SMARCC1: variants seen among roughly 807,000 people sequenced by gnomAD.
SMARCC1 encodes SWI/SNF related BAF chromatin remodeling complex subunit C1.
A neutral mutation model predicts 147.4 loss-of-function variants in SMARCC1; 43 were observed. The observed-to-expected ratio is 0.29, with a 90% CI of 0.23 to 0.38. SMARCC1 has a LOEUF of 0.38. SMARCC1 is among the 10% of genes least tolerant of loss of function. The pLI, the probability that SMARCC1 is intolerant of heterozygous loss-of-function variation, is 1.00. For missense variants in SMARCC1, 1,119 were observed against 1,381.1 expected (o/e 0.81, Z 3.01); for synonymous variants, 495 against 484.4 (o/e 1.02, Z -0.29).
chr3:47,596,860 T>C (rs1418086930), intron 26 of SMARCC1, among the ~76,000 whole-genome samples: 1 of 151,418 alleles, frequency 6.6e-6, no homozygotes, highest in African/African-American at 2.4e-5. Flanking sequence ...GATGGCACTC[T>C]GCAAGTTCCT....
intron 25 of SMARCC1, 168 bp from the exon 26 acceptor site, chr3:47,610,495 G>A: frequency 1.5e-6 from 1 of 684,206 alleles, no homozygotes; most frequent in Non-Finnish European, 2.5e-6. Context: ...TATTTCTTGA[G>A]TAGCATATTT....
intron 18 of SMARCC1, among the ~76,000 whole-genome samples, chr3:47,673,220 T>A (rs1285794961): frequency 6.6e-6 from 1 of 150,750 alleles, no homozygotes; most frequent in Non-Finnish European, 1.5e-5. Flanking sequence ...GTTCTCTCTT[T>A]AAAAAAATAA....
chr3:47,623,320 T>G (rs2032762873), intron 24 of SMARCC1, among the ~76,000 whole-genome samples: 4 of 151,970 alleles, frequency 2.6e-5, no homozygotes, highest in Non-Finnish European at 4.4e-5. Flanking sequence ...TCTTAAGAAA[T>G]AGCATGGAGT....
chr3:47,690,966 A>G (rs1205934077), intron 12 of SMARCC1, among the ~76,000 whole-genome samples: 1 of 152,230 alleles, frequency 6.6e-6, no homozygotes, highest in African/African-American at 2.4e-5. Flanking sequence ...TCCGTTGGAC[A>G]ATGGTAAACC....
At chr3:47,604,225 T>C in intron 26 of SMARCC1, 1 of 456,784 alleles carries the variant, frequency 2.2e-6, no homozygotes, top group Non-Finnish European at 4.4e-6. Flanking sequence ...ATGGAGAGTT[T>C]TGTAGAGAAG....
intron 25 of SMARCC1, among the ~76,000 whole-genome samples, chr3:47,614,479 T>A (rs1415376460): frequency 6.6e-6 from 1 of 152,242 alleles, no homozygotes; most frequent in Non-Finnish European, 1.5e-5. Flanking sequence ...AAAACAAAGT[T>A]AAATATAATT....
chr3:47,764,650 G>A (rs2034814963), intron 2 of SMARCC1, among the ~76,000 whole-genome samples: 1 of 152,094 alleles, frequency 6.6e-6, no homozygotes, highest in South Asian at 2.1e-4. Flanking sequence ...AGCCTACTGA[G>A]CTCTATCTAA....
At chr3:47,594,039 C>G (rs1163120657) in intron 26 of SMARCC1, among the ~76,000 whole-genome samples, 1 of 152,024 alleles carries the variant, frequency 6.6e-6, no homozygotes, top group Non-Finnish European at 1.5e-5. Flanking sequence ...GTGGCATGCA[C>G]CTGTAATCTC....
intron 2 of SMARCC1, among the ~76,000 whole-genome samples, chr3:47,762,220 C>T (rs558651629): frequency 2.6e-5 from 4 of 152,308 alleles, no homozygotes; most frequent in African/African-American, 7.2e-5. Context: ...TCCCTCTTCT[C>T]AGATGCTACA....
chr3:47,727,723 C>T (rs2034317002), intron 6 of SMARCC1, among the ~76,000 whole-genome samples: 1 of 151,938 alleles, frequency 6.6e-6, no homozygotes, highest in East Asian at 2.0e-4. Context: ...TCAAGCGATT[C>T]TCCTGCCTCA....
chr3:47,710,271 T>C (rs2034067904), intron 9 of SMARCC1, among the ~76,000 whole-genome samples: 1 of 152,268 alleles, frequency 6.6e-6, no homozygotes, highest in African/African-American at 2.4e-5. Flanking sequence ...TGAGCCGAGA[T>C]AGTGCCACTG....
chr3:47,648,304 TC>T (rs1360173644), intron 21 of SMARCC1, among the ~76,000 whole-genome samples: 19 of 152,126 alleles, frequency 1.2e-4, no homozygotes, highest in Non-Finnish European at 2.6e-4. Flanking sequence ...CTTATAAACC[TC>T]TTTTTCTATG....
chr3:47,678,320 C>G lies in SMARCC1; in HGVS notation c.1458-9G>C, dbSNP rs1207021499. The G allele has an allele frequency of 6.8e-7, 1 of 1,472,052 alleles. No homozygotes were observed. The highest frequency in any genetic ancestry group is 1.4e-5 in the African/African-American group (1 of 71,456). 91.2% of individuals were successfully genotyped at this position (1,472,052 alleles called of 1,614,324 possible). A position where few individuals can be genotyped will look rare whatever the true frequency, so the allele number is the denominator to read the frequency against. ...TTCGATATGCCAAGTATCTAAAAAGCAATGGCAAAATTCATAAGGTGGACA... is the reference window on the plus strand; with the variant it reads ...TTCGATATGCCAAGTATCTAAAAAGGAATGGCAAAATTCATAAGGTGGACA... On this transcript the variant is annotated splice_polypyrimidine_tract_variant and intron_variant, in intron 15 of 27. Coordinates refer to ENST00000254480, the MANE Select transcript of SMARCC1 (RefSeq NM_003074.4).
intron 2 of SMARCC1, among the ~76,000 whole-genome samples, chr3:47,757,783 CA>C (rs60788109): frequency 3.2e-3 from 343 of 106,402 alleles, no homozygotes; most frequent in African/African-American, 7.0e-3. Context: ...GGCTCCGTAT[CA>C]AAAAAAAAAA....
chr3:47,622,098 G>T, intron 25 of SMARCC1, 109 bp downstream of exon 25: 1 of 947,266 alleles, frequency 1.1e-6, no homozygotes, highest in Non-Finnish European at 1.7e-6. Flanking sequence ...ACAGAAGTTA[G>T]CCATGGAGAC....
rs971117000 is a variant in SMARCC1 at position 47,658,637 on chromosome 3, A to G, written c.2320+2657T>C. Among the ~76,000 whole-genome samples the G allele has an allele frequency of 6.6e-5, 10 of 152,230 alleles. No homozygotes were observed. The South Asian group carries it at 2.1e-3, about 32-fold the overall frequency. The stretch of plus-strand genomic sequence containing the variant: ...TTACAGCCAAGTAATATTCCATTGT[A>G]TGGATATACCACATTTTGCTTATCA... On this transcript the variant is annotated intron_variant, in intron 21 of 27. Coordinates refer to ENST00000254480, the MANE Select transcript of SMARCC1 (RefSeq NM_003074.4).
intron 11 of SMARCC1, 64 bp from the exon 12 acceptor site, chr3:47,693,364 A>C: frequency 1.1e-6 from 1 of 918,852 alleles, no homozygotes. Flanking sequence ...TTAGAAAGAA[A>C]ACAGAATAGG....
intron 7 of SMARCC1, 107 bp downstream of exon 7, chr3:47,720,559 A>G: frequency 1.2e-6 from 1 of 814,538 alleles, no homozygotes. Flanking sequence ...AAAAATGACT[A>G]AACACAAAGC....
chr3:47,755,991 A>T lies in SMARCC1; in HGVS notation c.316-9998T>A, dbSNP rs2034693537. Among the ~76,000 whole-genome samples the T allele has an allele frequency of 4.2e-4, 8 of 18,944 alleles. No individual in the cohort carries two copies. In the South Asian group the frequency reaches 0.011, roughly 26 times the overall value. The allele number at this position is 18,944 out of a possible 152,430, so 12.4% of individuals were successfully genotyped here. On this transcript the variant is annotated intron_variant, in intron 2 of 27. Coordinates refer to ENST00000254480, the MANE Select transcript of SMARCC1 (RefSeq NM_003074.4). ...GGTGACAGAGCCAGGCTTCATCTTAAAAAAAAAAAAAAAAAAAAAAAAAAA... is the reference window on the plus strand; with the variant it reads ...GGTGACAGAGCCAGGCTTCATCTTATAAAAAAAAAAAAAAAAAAAAAAAAA...
Sources: gnomAD v4.1 joint callset for allele counts (sites outside exome capture counted in the v4.1 genomes callset) on GRCh38, gnomAD v4.1.1 for gene constraint, MANE v1.5 for transcripts, NCBI Gene and HGNC (gene_info 2026-07-23, HGNC 2026-07-21) for gene names.